CYB5R3: variants seen among roughly 807,000 people sequenced by gnomAD.
CYB5R3 encodes cytochrome b5 reductase 3, also known as NADH-cytochrome b5 reductase 3.
In CYB5R3, 28 loss-of-function variants were observed where a neutral mutation model predicts 36.5. The observed-to-expected ratio is 0.77, with a 90% CI of 0.57 to 1.05. The LOEUF is 1.05. Among genes scored for constraint, CYB5R3 ranks in the 50% least tolerant of loss-of-function variants. The probability of loss-of-function intolerance (pLI) is 0.00; values close to 1 mark genes in which losing one functional copy is unlikely to be tolerated. For synonymous variants in CYB5R3, 181 were observed against 159.8 expected (o/e 1.13, Z -1.00); for missense variants, 474 against 408.9 (o/e 1.16, Z -1.37).
Position 42,619,904 on chromosome 22 carries a change from G to A in CYB5R3, c.775C>T (p.Arg259Trp), listed in dbSNP as rs139299188. The A allele has an allele frequency of 3.5e-5, 57 of 1,607,638 alleles. 1 individual carries two copies. In the Admixed American group the frequency reaches 5.4e-4, roughly 15 times the overall value. The stretch of plus-strand genomic sequence containing the variant: ...TCCTCTGGGGGTGGAAGGTGGTCCC[G>A]GATCATCTCCTCATTCACGAAGCCC... ...GQGFVNEEMIRDHLPPPEEEP... is the reference protein window; with the variant it reads ...GQGFVNEEMIWDHLPPPEEEP... Residue 259 changes from arginine to tryptophan, a missense_variant, in exon 9 of 9, where the codon CGG (arginine) becomes TGG (tryptophan). Transcript: ENST00000352397.
chr22:42,640,258 C>A, intron 1 of CYB5R3: 1 of 1,567,488 alleles, frequency 6.4e-7, no homozygotes, highest in Non-Finnish European at 8.6e-7. Context: ...CACAAGGTTA[C>A]GGACAAATGG....
Position 42,627,094 on chromosome 22 carries a change from C to T in CYB5R3, c.633+210G>A, listed in dbSNP as rs147387833. Among the ~76,000 whole-genome samples, 286 of 152,298 alleles carry T rather than the reference C, an allele frequency of 1.9e-3. 1 individual carries two copies. Among genetic ancestry groups the T allele is most frequent in the Middle Eastern group, 3.4e-3 (1 of 294 alleles). ...CTCAGGGAGCTCCCCGCAAGGCAGC[C>T]CCCTCAGCCAGACACAGGCGCTGCA... On this transcript the variant is annotated intron_variant, in intron 7 of 8. Transcript: ENST00000352397.
intron 2 of CYB5R3, 169 bp from the exon 3 acceptor site, chr22:42,631,619 A>C: frequency 1.5e-6 from 1 of 676,476 alleles, no homozygotes; most frequent in Non-Finnish European, 2.7e-6. Flanking sequence ...ATGCACACAC[A>C]TGCACGCTGC....
chr22:42,630,751 G>A (rs1928565680), intron 4 of CYB5R3, 131 bp downstream of exon 4: 1 of 776,134 alleles, frequency 1.3e-6, no homozygotes, highest in Admixed American at 2.0e-5. Context: ...CTGAGGAAGT[G>A]GGGCAGCCAT....
At chr22:42,638,740 A>G (rs1275738869) in intron 1 of CYB5R3, among the ~76,000 whole-genome samples, 1 of 139,154 alleles carries the variant, frequency 7.2e-6, no homozygotes. Flanking sequence ...AAAAAAAAAA[A>G]AAAAAAAAAA....
intron 8 of CYB5R3, 43 bp from the exon 9 acceptor site, chr22:42,619,988 G>A (rs1184112196): frequency 6.4e-7 from 1 of 1,551,048 alleles, no homozygotes; most frequent in Non-Finnish European, 8.8e-7. Flanking sequence ...TGGCTGTGTG[G>A]TCACCAACCT....
Position 42,627,687 on chromosome 22 carries a change from C to A in CYB5R3, c.465G>T (p.Gly155=). 2.5e-6 allele frequency: 4 copies of A among 1,611,682 alleles called. No homozygotes were observed. The highest frequency in any genetic ancestry group is 3.4e-6 in the Non-Finnish European group (4 of 1,177,762). ...TTTTGTCAGGTCGGATGGCGAACTTCCCTGGGGAGAGAGAAGGGGTGAGGC... is the reference window on the plus strand; with the variant it reads ...TTTTGTCAGGTCGGATGGCGAACTTACCTGGGGAGAGAGAAGGGGTGAGGC... ...PSGLLVYQGK[G]KFAIRPDKKS... The change falls in exon 6 of 9, where the codon GGG becomes GGT. Residue 155 remains glycine (G), a splice_region_variant and synonymous_variant. Transcript: ENST00000352397.
intron 8 of CYB5R3, among the ~76,000 whole-genome samples, chr22:42,621,218 GT>G (rs1491122839): frequency 6.7e-6 from 1 of 149,498 alleles, no homozygotes; most frequent in Non-Finnish European, 1.5e-5. Flanking sequence ...GTGTGTGTGT[GT>G]TTTTAAGAGA....
Position 42,630,828 on chromosome 22 carries a change from T to C in CYB5R3, c.333+54A>G, listed in dbSNP as rs890895021. Reference sequence around the variant, plus strand: ...CTGTCCAGGGGGTCCACATGGGCTGTTGCCATGGCCACCCACCCACACCCC... The same window carrying C: ...CTGTCCAGGGGGTCCACATGGGCTGCTGCCATGGCCACCCACCCACACCCC... On this transcript the variant is annotated intron_variant, in intron 4 of 8. Transcript: ENST00000352397. 6 of 1,466,632 alleles carry C rather than the reference T, an allele frequency of 4.1e-6. No individual in the cohort carries two copies. In the African/African-American group the frequency reaches 5.5e-5, roughly 14 times the overall value. 90.9% of individuals were successfully genotyped at this position (1,466,632 alleles called of 1,614,324 possible). A position where few individuals can be genotyped will look rare whatever the true frequency, so the allele number is the denominator to read the frequency against.
chr22:42,644,778 AG>A lies in CYB5R3; in HGVS notation c.21+4516del, dbSNP rs8190405. ...CCTGGCAATGAACTTGAATGACATT[AG>A]GAGCTGGGGTTGTGCTTGGTGCTCC... On this transcript the variant is annotated intron_variant, in intron 1 of 8. Coordinates refer to ENST00000352397, the MANE Select transcript of CYB5R3 (RefSeq NM_000398.7). 2,960 of 415,702 alleles carry A rather than the reference AG, an allele frequency of 7.1e-3. 73 individuals carry two copies. The highest frequency in any genetic ancestry group is 0.059 in the African/African-American group (2,744 of 46,216). The allele number at this position is 415,702 out of a possible 1,614,324, so 25.8% of individuals were successfully genotyped here. A position where few individuals can be genotyped will look rare whatever the true frequency, so the allele number is the denominator to read the frequency against.
chr22:42,622,618 G>A (rs541572119), intron 8 of CYB5R3, among the ~76,000 whole-genome samples: 14 of 152,284 alleles, frequency 9.2e-5, no homozygotes, highest in Middle Eastern at 3.4e-3. Flanking sequence ...CCTCAGGGAT[G>A]GGCCCAGGTG....
chr22:42,623,834 A>C lies in CYB5R3; in HGVS notation c.688T>G (p.Ser230Ala), dbSNP rs1373966975. The C allele has an allele frequency of 6.2e-7, 1 of 1,614,100 alleles. No homozygotes were observed. Among genetic ancestry groups the C allele is most frequent in the East Asian group, 2.2e-5 (1 of 44,874 alleles). Residue 230 changes from serine to alanine, a missense_variant, in exon 8 of 9, where the codon TCT becomes GCT. Physicochemically the swap from Ser to Ala is moderately conservative, Grantham distance 99. Transcript: ENST00000352397. Reference protein sequence around the residue: ...PELEELRNKHSARFKLWYTLD... With the variant: ...PELEELRNKHAARFKLWYTLD... Reference sequence around the variant, plus strand: ...GTGTACCAGAGCTTGAAGCGTGCAGAATGTTTGTTCCTGAGTTCCTCCAGC... The same window carrying C: ...GTGTACCAGAGCTTGAAGCGTGCAGCATGTTTGTTCCTGAGTTCCTCCAGC...
rs946564122 is a variant in CYB5R3, at chr22:42,627,826, T to C, written c.464-138A>G. 4.5e-5 allele frequency: 34 copies of C among 758,086 alleles called. 1 individual carries two copies. Among genetic ancestry groups the C allele is most frequent in the Non-Finnish European group, 7.3e-5 (31 of 427,156 alleles). 47.0% of individuals were successfully genotyped at this position (758,086 alleles called of 1,614,324 possible). The stretch of plus-strand genomic sequence containing the variant: ...GCAGCTGCCATTCTAACGCGAGCCA[T>C]GAGGAAGGTGCAGGAGCAGTGGAGA... On this transcript the variant is annotated intron_variant, in intron 5 of 8. Coordinates refer to ENST00000352397, the MANE Select transcript of CYB5R3 (RefSeq NM_000398.7).
intron 6 of CYB5R3, 91 bp downstream of exon 6, chr22:42,627,514 C>T (rs1928343620): frequency 6.8e-7 from 1 of 1,462,574 alleles, no homozygotes; most frequent in Non-Finnish European, 9.6e-7. Flanking sequence ...CCTCTGGTAG[C>T]TCCCAGGCAC....
At chr22:42,647,153 T>C (rs1929573324) in intron 1 of CYB5R3, 1 of 180,880 alleles carries the variant, frequency 5.5e-6, no homozygotes, top group Admixed American at 6.5e-5. Context: ...GCTCAGAATG[T>C]GCTGGAGACA....
chr22:42,643,774 G>C (rs1929402176), intron 1 of CYB5R3, among the ~76,000 whole-genome samples: 1 of 152,164 alleles, frequency 6.6e-6, no homozygotes. Context: ...TTGGGTCAGA[G>C]AGACCAGGGT....
At chr22:42,626,921 A>AG (rs1260826930) in intron 7 of CYB5R3, among the ~76,000 whole-genome samples, 1 of 152,160 alleles carries the variant, frequency 6.6e-6, no homozygotes, top group African/African-American at 2.4e-5. Flanking sequence ...CCTGTAGCTC[A>AG]GGGGCTTCGT....
At chr22:42,647,572 G>C (rs199897684) in intron 1 of CYB5R3, among the ~76,000 whole-genome samples, 1 of 24,480 alleles carries the variant, frequency 4.1e-5, no homozygotes, top group African/African-American at 1.2e-4. Context: ...AGATGGCGAA[G>C]CCCAGGTGTG....
At chr22:42,640,199 G>A (rs1189426479) in intron 1 of CYB5R3, 12 of 1,607,174 alleles carry the variant, frequency 7.5e-6, no homozygotes, top group African/African-American at 4.0e-5. Flanking sequence ...GCGGCCAATC[G>A]AGGCTTCAAG....
Sources: gnomAD v4.1 joint callset for allele counts (sites outside exome capture counted in the v4.1 genomes callset) on GRCh38, gnomAD v4.1.1 for gene constraint, MANE v1.5 for transcripts, NCBI Gene and HGNC (gene_info 2026-07-23, HGNC 2026-07-21) for gene names.